TNFSF4: variants seen among roughly 807,000 people sequenced by gnomAD.
TNFSF4 encodes TNF superfamily member 4.
In TNFSF4, 4 loss-of-function variants were observed where a neutral mutation model predicts 7.3. The ratio of observed to expected loss-of-function variants is 0.55; its 90% confidence interval spans 0.27 to 1.25. TNFSF4 has a LOEUF of 1.25. TNFSF4 is among the 50% of genes most tolerant of loss of function. TNFSF4 has a pLI of 0.12. For missense variants in TNFSF4, 181 were observed against 208.8 expected (o/e 0.87, Z 0.82); for synonymous variants, 76 against 83.7 (o/e 0.91, Z 0.50).
Position 173,205,295 on chromosome 1 carries a change from C to T in TNFSF4, c.153+1729G>A, listed in dbSNP as rs56217303. ...CCAGGACTATAGAAGCTAATTCTCCCCTAGAGATCACTCACCATGAGGTTT... is the reference window on the plus strand; with the variant it reads ...CCAGGACTATAGAAGCTAATTCTCCTCTAGAGATCACTCACCATGAGGTTT... On this transcript the variant is annotated intron_variant, in intron 1 of 2. Transcript: ENST00000281834. The T allele has an allele frequency of 7.3e-3, 11,784 of 1,611,982 alleles. 85 individuals carry two copies. The highest frequency in any genetic ancestry group is 0.016 in the South Asian group (1,482 of 91,004).
At chr1:173,380,177 G>A in the TNFSF4 span, among the ~76,000 whole-genome samples, 3 of 152,306 alleles carry the variant, frequency 2.0e-5, no homozygotes, top group Admixed American at 2.0e-4. Context: ...CTCCTCAGTT[G>A]TAATTGGGAG....
the TNFSF4 span, among the ~76,000 whole-genome samples, chr1:173,426,087 T>C: frequency 6.6e-6 from 1 of 152,248 alleles, no homozygotes; most frequent in Admixed American, 6.5e-5. Context: ...GAAGTTTATA[T>C]ACTCAGATAA....
chr1:173,413,700 C>G, the TNFSF4 span, among the ~76,000 whole-genome samples: 1 of 152,192 alleles, frequency 6.6e-6, no homozygotes, highest in African/African-American at 2.4e-5. Context: ...TGACGTTTGG[C>G]CCTTTTGCCA....
chr1:173,301,850 C>T, the TNFSF4 span, among the ~76,000 whole-genome samples: 5 of 132,092 alleles, frequency 3.8e-5, no homozygotes, highest in Admixed American at 1.8e-4. Flanking sequence ...TCCATAAAGG[C>T]GGAAATCATG....
chr1:173,241,869 C>G, the TNFSF4 span, among the ~76,000 whole-genome samples: 5 of 152,262 alleles, frequency 3.3e-5, no homozygotes, highest in South Asian at 1.0e-3. Context: ...TAGGGTGAAG[C>G]TGGTCTGGCT....
chr1:173,212,373 C>T, the TNFSF4 span, among the ~76,000 whole-genome samples: 1 of 152,158 alleles, frequency 6.6e-6, no homozygotes, highest in Non-Finnish European at 1.5e-5. Context: ...TCCATAAGAG[C>T]CAGACTTGTG....
the TNFSF4 span, among the ~76,000 whole-genome samples, chr1:173,239,942 G>A: frequency 6.6e-6 from 1 of 152,122 alleles, no homozygotes. Flanking sequence ...TGAGGCAGGA[G>A]AATCACTTGA....
At chr1:173,397,775 A>G in the TNFSF4 span, among the ~76,000 whole-genome samples, 1 of 152,178 alleles carries the variant, frequency 6.6e-6, no homozygotes, top group South Asian at 2.1e-4. Context: ...AAAATAGTAA[A>G]CCAAAAGCAA....
chr1:173,370,629 T>G, the TNFSF4 span, among the ~76,000 whole-genome samples: 1 of 152,160 alleles, frequency 6.6e-6, no homozygotes, highest in African/African-American at 2.4e-5. Flanking sequence ...AAAGATAAGT[T>G]TATTACCCAA....
chr1:173,364,381 GTA>G, the TNFSF4 span, among the ~76,000 whole-genome samples: 2,095 of 140,748 alleles, frequency 0.015, 38 homozygotes, highest in African/African-American at 0.047. Context: ...GGGTGTATGT[GTA>G]TATATATATA....
the TNFSF4 span, among the ~76,000 whole-genome samples, chr1:173,337,377 T>C: frequency 6.6e-6 from 1 of 152,172 alleles, no homozygotes; most frequent in African/African-American, 2.4e-5. Context: ...AGCAGCACTC[T>C]ATCATCAAAG....
the TNFSF4 span, among the ~76,000 whole-genome samples, chr1:173,306,099 C>T: frequency 1.3e-5 from 2 of 151,790 alleles, no homozygotes; most frequent in Non-Finnish European, 2.9e-5. Context: ...AAATCCAAAT[C>T]TCAGTGGCAT....
the TNFSF4 span, among the ~76,000 whole-genome samples, chr1:173,266,741 A>T: frequency 6.6e-6 from 1 of 152,160 alleles, no homozygotes; most frequent in Non-Finnish European, 1.5e-5. Context: ...TTTAGGGAGC[A>T]CTCAAAAAAT....
the TNFSF4 span, among the ~76,000 whole-genome samples, chr1:173,245,252 CA>C: frequency 6.6e-6 from 1 of 152,098 alleles, no homozygotes; most frequent in Non-Finnish European, 1.5e-5. Context: ...TAAAGATACT[CA>C]TCTGTGGTTT....
At chr1:173,412,300 CT>C in the TNFSF4 span, among the ~76,000 whole-genome samples, 5 of 152,162 alleles carry the variant, frequency 3.3e-5, no homozygotes, top group Non-Finnish European at 5.9e-5. Context: ...AGTCTATCTG[CT>C]TTCTGTCTTC....
chr1:173,222,796 TA>T, the TNFSF4 span, among the ~76,000 whole-genome samples: 3 of 152,192 alleles, frequency 2.0e-5, no homozygotes, highest in Admixed American at 1.3e-4. Context: ...ATATGATCGT[TA>T]AAACTGGTAC....
the TNFSF4 span, among the ~76,000 whole-genome samples, chr1:173,387,085 C>T: frequency 4.6e-3 from 698 of 152,204 alleles, 5 homozygotes; most frequent in African/African-American, 0.015. Context: ...GGACTTTAGA[C>T]TTTTGAGTTG....
the TNFSF4 span, among the ~76,000 whole-genome samples, chr1:173,352,385 C>G: frequency 6.6e-6 from 1 of 152,162 alleles, no homozygotes; most frequent in Admixed American, 6.5e-5. Context: ...ACGTTATTTT[C>G]TATTTTCCCT....
In TNFSF4 at chr1:173,185,873, A is replaced by G. The variant is rs952609003; in HGVS notation, c.*643T>C. On this transcript the variant is annotated 3_prime_UTR_variant, in exon 3 of 3. Transcript: ENST00000281834. Reference sequence around the variant, plus strand: ...ACTATGTTTGGAGGCTGGGAAAGCAAAATGGTAAAGAAAAAAAGCACGTGG... The same window carrying G: ...ACTATGTTTGGAGGCTGGGAAAGCAGAATGGTAAAGAAAAAAAGCACGTGG... 2 of 148,150 alleles carry G rather than the reference A, an allele frequency of 1.3e-5. No individual in the cohort carries two copies. The highest frequency in any genetic ancestry group is 3.1e-5 in the Non-Finnish European group (2 of 65,410). 9.2% of individuals were successfully genotyped at this position (148,150 alleles called of 1,614,324 possible).
Sources: gnomAD v4.1 joint callset for allele counts (sites outside exome capture counted in the v4.1 genomes callset) on GRCh38, gnomAD v4.1.1 for gene constraint, MANE v1.5 for transcripts, NCBI Gene and HGNC (gene_info 2026-07-23, HGNC 2026-07-21) for gene names.